Variants in CORIN observed in about 807,000 individuals in gnomAD.
CORIN encodes corin, serine peptidase, also known as atrial natriuretic peptide-converting enzyme.
A neutral mutation model predicts 125.3 loss-of-function variants in CORIN; 117 were observed. The ratio of observed to expected loss-of-function variants is 0.93; its 90% CI spans 0.80 to 1.09. The LOEUF is 1.09. CORIN is among the 50% of genes least tolerant of loss of function. The pLI, the probability that CORIN is intolerant of heterozygous loss-of-function variation, is 0.00. For synonymous variants in CORIN, 450 were observed against 466.4 expected, an observed-to-expected ratio of 0.96 and a Z score of 0.45; for missense variants, 1,253 against 1,306.7, an observed-to-expected ratio of 0.96 and a Z score of 0.63.
At chr4:47,830,214 C>T (rs1292804682) in intron 1 of CORIN, among the ~76,000 whole-genome samples, 2 of 152,044 alleles carry the variant, frequency 1.3e-5, no homozygotes, top group African/African-American at 4.8e-5. Context: ...ACAATAAATC[C>T]CACATGGTGT....
chr4:47,623,098 A>C (rs62298033), intron 19 of CORIN, among the ~76,000 whole-genome samples: 21,793 of 75,882 alleles, frequency 0.29, 1,941 homozygotes, highest in Non-Finnish European at 0.33. Context: ...CTCTCTCTCT[A>C]TATATATATA....
At chr4:47,608,905 G>A (rs2109522188) in intron 19 of CORIN, among the ~76,000 whole-genome samples, 1 of 152,262 alleles carries the variant, frequency 6.6e-6, no homozygotes, top group African/African-American at 2.4e-5. Flanking sequence ...AATTCAGCTA[G>A]TCAAATTTAA....
At chr4:47,610,560 G>A (rs2109525855) in intron 19 of CORIN, among the ~76,000 whole-genome samples, 1 of 152,012 alleles carries the variant, frequency 6.6e-6, no homozygotes, top group East Asian at 1.9e-4. Context: ...TATTCAATAT[G>A]ATGATAGCTT....
intron 3 of CORIN, among the ~76,000 whole-genome samples, chr4:47,775,945 T>G (rs955132503): frequency 5.9e-5 from 9 of 152,146 alleles, no homozygotes; most frequent in African/African-American, 2.2e-4. Context: ...CAGGCTGGAG[T>G]GCAATGGCGA....
At chr4:47,607,995 A>G (rs1560470218) in intron 19 of CORIN, among the ~76,000 whole-genome samples, 1 of 151,942 alleles carries the variant, frequency 6.6e-6, no homozygotes, top group Non-Finnish European at 1.5e-5. Context: ...ACATGGAAAC[A>G]GACTCTGATC....
chr4:47,693,042 T>C lies in CORIN; in HGVS notation c.841A>G (p.Ile281Val). The C allele has an allele frequency of 6.2e-7, 1 of 1,613,780 alleles. No individual in the cohort carries two copies. The highest frequency in any genetic ancestry group is 8.5e-7 in the Non-Finnish European group (1 of 1,179,830). The stretch of plus-strand genomic sequence containing the variant: ...CATTGCAGTTTCCCGGGGATGCAGA[T>C]TCCACTGGCACACAGAAAGTTCTCA... ...RGENFLCASG[I>V]CIPGKLQCNG... Residue 281 changes from isoleucine to valine, a missense_variant, in exon 6 of 22, where the codon ATC becomes GTC. Transcript: ENST00000273857.
At chr4:47,832,431 C>CTTTCT (rs1439812013) in intron 1 of CORIN, among the ~76,000 whole-genome samples, 12 of 143,784 alleles carry the variant, frequency 8.3e-5, no homozygotes, top group African/African-American at 2.8e-4. Context: ...TTCTTTCTTT[C>CTTTCT]TTTCTTTTCT....
intron 3 of CORIN, among the ~76,000 whole-genome samples, chr4:47,780,120 G>A (rs1730474029): frequency 6.6e-6 from 1 of 151,892 alleles, no homozygotes. Flanking sequence ...TTAAGCTATT[G>A]CCTTGAAGAT....
intron 19 of CORIN, among the ~76,000 whole-genome samples, chr4:47,604,759 A>G (rs1381301087): frequency 6.6e-6 from 1 of 152,178 alleles, no homozygotes; most frequent in African/African-American, 2.4e-5. Context: ...TGGCCTCCCA[A>G]ATCATGGTCC....
At chr4:47,647,631 T>C (rs1290403850) in intron 13 of CORIN, among the ~76,000 whole-genome samples, 1 of 152,228 alleles carries the variant, frequency 6.6e-6, no homozygotes, top group Non-Finnish European at 1.5e-5. Flanking sequence ...ATGCTCACCA[T>C]TTTATAAGTG....
chr4:47,681,124 T>A (rs1187209908), intron 7 of CORIN: 1 of 152,166 alleles, frequency 6.6e-6, no homozygotes. Flanking sequence ...TTTTAGAAGA[T>A]GTATGTGGAT....
intron 2 of CORIN, 109 bp downstream of exon 2, chr4:47,806,794 C>G: frequency 8.7e-7 from 1 of 1,149,750 alleles, no homozygotes; most frequent in African/African-American, 1.6e-5. Flanking sequence ...AGATAATCCT[C>G]TCATTGACTG....
At chr4:47,699,832 G>A (rs1008704423) in intron 5 of CORIN, among the ~76,000 whole-genome samples, 3 of 152,210 alleles carry the variant, frequency 2.0e-5, no homozygotes, top group African/African-American at 7.2e-5. Flanking sequence ...TTTGCTCTTA[G>A]TAGGACAACA....
chr4:47,793,963 A>G (rs1420220968), intron 2 of CORIN, among the ~76,000 whole-genome samples: 2 of 151,906 alleles, frequency 1.3e-5, no homozygotes. Flanking sequence ...TTAGACTACC[A>G]TTTCAAAAAG....
intron 6 of CORIN, among the ~76,000 whole-genome samples, chr4:47,690,671 T>C (rs1725727080): frequency 6.6e-6 from 1 of 152,202 alleles, no homozygotes; most frequent in Admixed American, 6.5e-5. Context: ...TTTTCTTCTG[T>C]TCCTCACTGA....
chr4:47,653,210 C>A (rs974236807), intron 13 of CORIN, among the ~76,000 whole-genome samples: 2 of 152,280 alleles, frequency 1.3e-5, no homozygotes, highest in Non-Finnish European at 2.9e-5. Flanking sequence ...TAAACTCTAT[C>A]ATAGGTACAT....
intron 10 of CORIN, among the ~76,000 whole-genome samples, chr4:47,669,888 T>G (rs956303639): frequency 6.6e-6 from 1 of 152,220 alleles, no homozygotes; most frequent in Non-Finnish European, 1.5e-5. Context: ...TTTTATTACC[T>G]AAGTGTGTAC....
At chr4:47,728,022 T>C (rs909028765) in intron 5 of CORIN, among the ~76,000 whole-genome samples, 1 of 152,088 alleles carries the variant, frequency 6.6e-6, no homozygotes, top group Admixed American at 6.6e-5. Flanking sequence ...GTGTGCAGGG[T>C]TTCAGACACA....
chr4:47,732,414 T>C (rs536274682), intron 5 of CORIN, among the ~76,000 whole-genome samples: 1 of 152,118 alleles, frequency 6.6e-6, no homozygotes, highest in African/African-American at 2.4e-5. Context: ...TAACAGATAC[T>C]GTCAGTTTCA....
Sources: allele counts gnomAD v4.1 joint callset (sites outside exome capture counted in the v4.1 genomes callset), GRCh38; gene constraint gnomAD v4.1.1; transcripts MANE v1.5; gene names NCBI Gene and HGNC (gene_info 2026-07-23, HGNC 2026-07-21).